DLGAP1: variants seen among roughly 807,000 people sequenced by gnomAD.
DLGAP1 encodes DLG associated protein 1.
DLGAP1 carries 11 observed loss-of-function variants against 90.8 expected under a neutral mutation model. The observed-to-expected ratio is 0.12, with a 90% CI of 0.08 to 0.20. The LOEUF (loss-of-function observed/expected upper bound fraction) is 0.20, where lower values mean the gene tolerates loss of function less well. Ranked by LOEUF, DLGAP1 falls within the 10% of genes least tolerant of loss-of-function variation. The pLI is 1.00. For synonymous variants in DLGAP1, 558 were observed against 540.7 expected (o/e 1.03, Z -0.44); for missense variants, 1,050 against 1,333.8 (o/e 0.79, Z 3.31).
At chr18:4,154,603 T>C (rs2076725829) in intron 1 of DLGAP1, among the ~76,000 whole-genome samples, 1 of 152,066 alleles carries the variant, frequency 6.6e-6, no homozygotes, top group Non-Finnish European at 1.5e-5. Context: ...TATATTTTCA[T>C]CAAATACATG....
intron 3 of DLGAP1, among the ~76,000 whole-genome samples, chr18:3,925,161 C>T (rs1458112031): frequency 2.6e-5 from 4 of 152,160 alleles, no homozygotes; most frequent in Admixed American, 6.5e-5. Flanking sequence ...CCATGTTGGC[C>T]GGGCTGGTCT....
chr18:4,346,807 T>C (rs1316908632), intron 1 of DLGAP1, among the ~76,000 whole-genome samples: 5 of 152,120 alleles, frequency 3.3e-5, no homozygotes, highest in African/African-American at 1.2e-4. Flanking sequence ...TAAAATAAAA[T>C]ACATTTCTAG....
intron 4 of DLGAP1, among the ~76,000 whole-genome samples, chr18:3,815,827 C>G (rs1328627477): frequency 6.6e-6 from 1 of 151,984 alleles, no homozygotes; most frequent in Non-Finnish European, 1.5e-5. Flanking sequence ...CTATAGTGGA[C>G]AGAGCACTGC....
intron 4 of DLGAP1, among the ~76,000 whole-genome samples, chr18:3,872,750 C>A (rs2070830237): frequency 1.3e-5 from 2 of 152,126 alleles, no homozygotes; most frequent in Non-Finnish European, 2.9e-5. Flanking sequence ...GTGAATAGTT[C>A]TCTTAAAGAA....
At chr18:4,171,317 C>T (rs958654815) in intron 1 of DLGAP1, among the ~76,000 whole-genome samples, 5 of 151,996 alleles carry the variant, frequency 3.3e-5, no homozygotes, top group Non-Finnish European at 5.9e-5. Context: ...AGGCAGATCA[C>T]GAGGTCAGGA....
chr18:3,951,659 C>T (rs897222408), intron 3 of DLGAP1, among the ~76,000 whole-genome samples: 3 of 152,200 alleles, frequency 2.0e-5, no homozygotes, highest in South Asian at 2.1e-4. Flanking sequence ...GTAATTCCTA[C>T]GTGTTGGGAG....
At chr18:3,724,321 A>G (rs1245028451) in intron 7 of DLGAP1, among the ~76,000 whole-genome samples, 1 of 152,166 alleles carries the variant, frequency 6.6e-6, no homozygotes, top group African/African-American at 2.4e-5. Context: ...GCAACAGAGC[A>G]AAATATAGCA....
At chr18:4,141,435 C>T (rs1388831172) in intron 2 of DLGAP1, among the ~76,000 whole-genome samples, 1 of 151,968 alleles carries the variant, frequency 6.6e-6, no homozygotes, top group Non-Finnish European at 1.5e-5. Flanking sequence ...AGCATGCATT[C>T]CACTTTTACA....
intron 1 of DLGAP1, among the ~76,000 whole-genome samples, chr18:4,214,707 C>T (rs2077916312): frequency 6.6e-6 from 1 of 152,130 alleles, no homozygotes; most frequent in African/African-American, 2.4e-5. Flanking sequence ...ATGTTGACCA[C>T]TATATAGATA....
chr18:4,021,593 TTTTC>T (rs2074610193), intron 2 of DLGAP1, among the ~76,000 whole-genome samples: 1 of 152,024 alleles, frequency 6.6e-6, no homozygotes. Context: ...TTTCTTTTCT[TTTTC>T]TTTCTTTTTT....
At chr18:4,015,910 GTGGAACAA>G (rs1568353331) in intron 2 of DLGAP1, among the ~76,000 whole-genome samples, 1 of 152,126 alleles carries the variant, frequency 6.6e-6, no homozygotes, top group African/African-American at 2.4e-5. Context: ...CAAATTCTTT[GTGGAACAA>G]ATCAAGATAT....
rs907138404 is a variant in DLGAP1 at position 3,497,683 on chromosome 18, C to A, written c.*1502G>T. On this transcript the variant is annotated 3_prime_UTR_variant, in exon 13 of 13. Transcript: ENST00000315677. ...AGCTGGACATAAAATGCCATTGATA[C>A]TTAAGATTGCCACATCCTAAGTGTT... The A allele has an allele frequency of 3.3e-5, 5 of 152,278 alleles. No homozygotes were observed. Among genetic ancestry groups the A allele is most frequent in the Non-Finnish European group, 7.4e-5 (5 of 68,024 alleles). 9.4% of individuals were successfully genotyped at this position (152,278 alleles called of 1,614,324 possible).
chr18:3,743,251 CATACCCTT>C (rs1157645934), intron 5 of DLGAP1, among the ~76,000 whole-genome samples: 1 of 152,170 alleles, frequency 6.6e-6, no homozygotes, highest in Non-Finnish European at 1.5e-5. Flanking sequence ...TGTAGAATTC[CATACCCTT>C]AAAAGAACTA....
chr18:4,277,952 C>G (rs990114276), intron 1 of DLGAP1, among the ~76,000 whole-genome samples: 1 of 152,048 alleles, frequency 6.6e-6, no homozygotes, highest in Non-Finnish European at 1.5e-5. Flanking sequence ...GTTGAGCAGT[C>G]CTTTACTTAG....
chr18:4,081,121 C>T (rs2075601307), intron 2 of DLGAP1, among the ~76,000 whole-genome samples: 1 of 152,130 alleles, frequency 6.6e-6, no homozygotes, highest in Non-Finnish European at 1.5e-5. Context: ...CTCCTGACCT[C>T]AGGTGATCCA....
intron 7 of DLGAP1, among the ~76,000 whole-genome samples, chr18:3,658,484 T>C (rs1324573544): frequency 2.0e-5 from 3 of 152,198 alleles, no homozygotes; most frequent in African/African-American, 7.2e-5. Flanking sequence ...AATCATTTAA[T>C]TGAACAAGAC....
intron 5 of DLGAP1, among the ~76,000 whole-genome samples, chr18:3,750,783 G>C (rs781693980): frequency 3.3e-5 from 5 of 152,060 alleles, no homozygotes; most frequent in Non-Finnish European, 4.4e-5. Flanking sequence ...GCATGCCCTC[G>C]CAAGTTTCAT....
intron 1 of DLGAP1, among the ~76,000 whole-genome samples, chr18:4,352,849 G>C (rs1311939115): frequency 6.6e-6 from 1 of 152,026 alleles, no homozygotes; most frequent in Non-Finnish European, 1.5e-5. Context: ...GTGAATCCCC[G>C]TTACTTTTGT....
Position 3,772,342 on chromosome 18 carries a change from C to CCT in DLGAP1, c.1173-29831_1173-29830insAG, listed in dbSNP as rs2064655154. On this transcript the variant is annotated intron_variant, in intron 5 of 12. Coordinates refer to ENST00000315677, the MANE Select transcript of DLGAP1 (RefSeq NM_004746.4). ...CCTTCCTTTCTCTCCTTCTCTCTCT[C>CCT]TCTCTCTTTCTTTCTTTCTTTCTTT... 1.9e-4 allele frequency among the ~76,000 whole-genome samples: 15 copies of CCT among 81,026 alleles called. 1 individual carries two copies. Among genetic ancestry groups the CCT allele is most frequent in the African/African-American group, 4.7e-4 (12 of 25,390 alleles). The allele number at this position is 81,026 out of a possible 152,430, so 53.2% of individuals were successfully genotyped here.
Sources: allele counts gnomAD v4.1 joint callset (sites outside exome capture counted in the v4.1 genomes callset), GRCh38; gene constraint gnomAD v4.1.1; transcripts MANE v1.5; gene names NCBI Gene and HGNC (gene_info 2026-07-23, HGNC 2026-07-21).